Variants in TRAF2 observed in about 807,000 individuals in gnomAD.
TRAF2 encodes the protein TNF receptor-associated factor 2.
A neutral mutation model predicts 55.6 loss-of-function variants in TRAF2; 6 were observed. The observed-to-expected ratio is 0.11, with a 90% CI of 0.06 to 0.21. The LOEUF (loss-of-function observed/expected upper bound fraction) is 0.21, where lower values mean the gene tolerates loss of function less well. Among genes scored for constraint, TRAF2 ranks in the 10% least tolerant of loss-of-function variants. The probability of loss-of-function intolerance (pLI) is 1.00; values close to 1 mark genes in which losing one functional copy is unlikely to be tolerated. For synonymous variants in TRAF2, 329 were observed against 276.3 expected (o/e 1.19, Z -1.89); for missense variants, 561 against 684.5 (o/e 0.82, Z 2.01).
rs533013634 is a variant in TRAF2, at chr9:136,908,117, G to C, written c.414G>C (p.Ala138=). 2 of 1,606,150 alleles carry C rather than the reference G, an allele frequency of 1.2e-6. No individual in the cohort carries two copies. The highest frequency in any genetic ancestry group is 2.2e-5 in the South Asian group (2 of 91,078). The change falls in exon 5 of 11, where the codon GCG becomes GCC. Residue 138 remains alanine (A), a synonymous_variant. Coordinates refer to ENST00000247668, the MANE Select transcript of TRAF2 (RefSeq NM_021138.4). ...CGCTCATGCTGACCGAATGTCCCGCGTGCAAAGGCCTGGTCCGCCTTGGTG... is the reference window on the plus strand; with the variant it reads ...CGCTCATGCTGACCGAATGTCCCGCCTGCAAAGGCCTGGTCCGCCTTGGTG... The part of the protein sequence containing the change: ...RCPLMLTECP[A]CKGLVRLGEK...
intron 1 of TRAF2, among the ~76,000 whole-genome samples, chr9:136,895,209 G>A (rs921305619): frequency 6.6e-6 from 1 of 152,198 alleles, no homozygotes; most frequent in Non-Finnish European, 1.5e-5. Context: ...CTGGGGCCGG[G>A]TGACCCACGC....
chr9:136,889,648 G>C (rs1320009117), intron 1 of TRAF2: 2 of 152,060 alleles, frequency 1.3e-5, no homozygotes, highest in African/African-American at 4.8e-5. Flanking sequence ...TTTTATACCT[G>C]AGGTCTTGTT....
chr9:136,920,914 T>G, intron 8 of TRAF2, 124 bp from the exon 9 acceptor site: 60 of 1,204,332 alleles, frequency 5.0e-5, no homozygotes, highest in Non-Finnish European at 6.1e-5. Flanking sequence ...GGAGTGGACA[T>G]GAGAAACATG....
In TRAF2 at chr9:136,921,159, T is replaced by TCGCCAGGAAG; in HGVS notation, c.1094_1103dup (p.Val369ProfsTer54). On this transcript the variant is annotated frameshift_variant, in exon 9 of 11. Coordinates refer to ENST00000247668, the MANE Select transcript of TRAF2 (RefSeq NM_021138.4). LOFTEE classifies it high-confidence loss of function. Reference sequence around the variant, plus strand: ...GTCTTCATCTGGAAGATCTCAGACTTCGCCAGGAAGCGCCAGGAAGCTGTG... The same window carrying TCGCCAGGAAG: ...GTCTTCATCTGGAAGATCTCAGACTTCGCCAGGAAGCGCCAGGAAGCGCCAGGAAGCTGTG... 2 of 1,614,000 alleles carry TCGCCAGGAAG rather than the reference T, an allele frequency of 1.2e-6. No individual in the cohort carries two copies. Among genetic ancestry groups the TCGCCAGGAAG allele is most frequent in the Non-Finnish European group, 1.7e-6 (2 of 1,180,016 alleles).
chr9:136,882,625 G>C, upstream of TRAF2: 1 of 983,488 alleles, frequency 1.0e-6, no homozygotes, highest in Non-Finnish European at 1.2e-6. Context: ...CCCTGCCCCT[G>C]CTGGAGGCCT....
At position 136,899,047 on chromosome 9, in the gene TRAF2, T is replaced by C. The variant is rs1434066278; in HGVS notation, c.188+119T>C. 40 of 969,162 alleles carry C rather than the reference T, an allele frequency of 4.1e-5. 1 individual carries two copies. The highest frequency in any genetic ancestry group is 8.6e-5 in the Admixed American group (3 of 34,794). The allele number at this position is 969,162 out of a possible 1,614,324, so 60.0% of individuals were successfully genotyped here. On this transcript the variant is annotated intron_variant, in intron 2 of 10. Transcript: ENST00000247668. ...GTCCAGCTTAGATGTGCTCCAGTTATCGATACTCCCTGGATTTCGGAGGTT... is the reference window on the plus strand; with the variant it reads ...GTCCAGCTTAGATGTGCTCCAGTTACCGATACTCCCTGGATTTCGGAGGTT...
At position 136,923,992 on chromosome 9, in the gene TRAF2, A is replaced by G; in HGVS notation, c.1279A>G (p.Asn427Asp). 2 of 1,613,274 alleles carry G rather than the reference A, an allele frequency of 1.2e-6. No homozygotes were observed. The highest frequency in any genetic ancestry group is 1.7e-6 in the Non-Finnish European group (2 of 1,179,930). Residue 427 changes from asparagine to aspartate, a missense_variant, in exon 10 of 11, where the codon AAC (asparagine) becomes GAC (aspartate). Coordinates refer to ENST00000247668, the MANE Select transcript of TRAF2 (RefSeq NM_021138.4). ...TGACGCCCTGCTGCGGTGGCCCTTC[A>G]ACCAGAAGGTGAGGCCGTCCCTGCA... ...PNDALLRWPF[N>D]QKVTLMLLDQ...
Position 136,900,530 on chromosome 9 carries a change from C to CCTG in TRAF2, c.366+12_366+14dup, listed in dbSNP as rs1343346782. The stretch of plus-strand genomic sequence containing the variant: ...CCTGAAAGAATACGAGGTAAAGATG[C>CCTG]CTGCGTGTGGCATGGTGACAGAAGC... On this transcript the variant is annotated intron_variant, in intron 4 of 10. Transcript: ENST00000247668. 9 of 1,610,318 alleles carry CCTG rather than the reference C, an allele frequency of 5.6e-6. No individual in the cohort carries two copies. The highest frequency in any genetic ancestry group is 7.6e-6 in the Non-Finnish European group (9 of 1,176,816).
At chr9:136,906,820 A>G (rs140608066) in intron 4 of TRAF2, among the ~76,000 whole-genome samples, 100 of 152,294 alleles carry the variant, frequency 6.6e-4, no homozygotes, top group African/African-American at 2.3e-3. Flanking sequence ...GTGGCTCCCC[A>G]GACACATCCT....
chr9:136,910,539 C>G (rs568228429), intron 6 of TRAF2, among the ~76,000 whole-genome samples: 1 of 152,182 alleles, frequency 6.6e-6, no homozygotes, highest in South Asian at 2.1e-4. Flanking sequence ...GGAAATAATA[C>G]GCATGGAAAC....
intron 10 of TRAF2, among the ~76,000 whole-genome samples, chr9:136,924,772 C>T (rs1264521028): frequency 2.6e-5 from 4 of 152,050 alleles, no homozygotes; most frequent in African/African-American, 9.7e-5. Flanking sequence ...CGGAGTCTTG[C>T]TCTGTCGCCC....
intron 9 of TRAF2, 65 bp downstream of exon 9, chr9:136,921,280 C>T (rs558725270): frequency 6.3e-7 from 1 of 1,592,766 alleles, no homozygotes; most frequent in Non-Finnish European, 8.6e-7. Context: ...TCCCCTCACC[C>T]CTGTGACCAC....
chr9:136,888,608 A>G (rs1243819729), intron 1 of TRAF2, among the ~76,000 whole-genome samples: 1 of 152,210 alleles, frequency 6.6e-6, no homozygotes, highest in African/African-American at 2.4e-5. Flanking sequence ...TGCGGCGACT[A>G]GGTGACCCCT....
chr9:136,914,361 TCTC>T (rs1054898592), intron 6 of TRAF2, among the ~76,000 whole-genome samples: 4 of 152,118 alleles, frequency 2.6e-5, no homozygotes, highest in South Asian at 4.1e-4. Flanking sequence ...CCTGGCCTCT[TCTC>T]CTTCAGCTTC....
intron 4 of TRAF2, among the ~76,000 whole-genome samples, chr9:136,901,265 T>C (rs1223619513): frequency 6.6e-6 from 1 of 152,224 alleles, no homozygotes; most frequent in Admixed American, 6.5e-5. Context: ...GTCTTCCTTC[T>C]TGTAATGAAT....
intron 6 of TRAF2, among the ~76,000 whole-genome samples, chr9:136,912,883 A>G (rs1420266868): frequency 6.6e-6 from 1 of 152,130 alleles, no homozygotes; most frequent in Non-Finnish European, 1.5e-5. Context: ...CTGCAATCCC[A>G]GCACTTTGGG....
At chr9:136,900,032 T>C (rs1325692283) in intron 3 of TRAF2, among the ~76,000 whole-genome samples, 1 of 152,080 alleles carries the variant, frequency 6.6e-6, no homozygotes. Context: ...CCGGGTGTGG[T>C]GGCGCACGCC....
rs17250785 is a variant in TRAF2 at position 136,896,409 on chromosome 9, A to G, written c.-28-2304A>G. On this transcript the variant is annotated intron_variant, in intron 1 of 10. Transcript: ENST00000247668. The stretch of plus-strand genomic sequence containing the variant: ...TCCGGGTGTGAGGCTGTGGAGACGC[A>G]TGGGTCTGCCTTTCTCATCCGCAGC... 5.2e-3 allele frequency among the ~76,000 whole-genome samples: 798 copies of G among 152,230 alleles called. 5 individuals carry two copies. Among genetic ancestry groups the G allele is most frequent in the Non-Finnish European group, 8.9e-3 (604 of 68,010 alleles).
intron 3 of TRAF2, 43 bp downstream of exon 3, chr9:136,899,715 G>A (rs767920426): frequency 4.4e-5 from 69 of 1,583,424 alleles, no homozygotes; most frequent in Non-Finnish European, 6.0e-5. Context: ...AACAGAAAAT[G>A]TCTTAATTTC....
Sources: gnomAD v4.1 joint callset for allele counts (sites outside exome capture counted in the v4.1 genomes callset) on GRCh38, gnomAD v4.1.1 for gene constraint, MANE v1.5 for transcripts, NCBI Gene and HGNC (gene_info 2026-07-23, HGNC 2026-07-21) for gene names.